The following SLC7A2 variants were observed in gnomAD, a reference collection of about 807,000 sequenced individuals.
SLC7A2 encodes solute carrier family 7 member 2, also known as cationic amino acid transporter 2.
In SLC7A2, 48 loss-of-function variants were observed where a neutral mutation model predicts 58.9. The observed-to-expected ratio is 0.82, with a 90% CI of 0.65 to 1.04. The LOEUF is 1.04. Ranked by LOEUF, SLC7A2 falls within the 50% of genes least tolerant of loss-of-function variation. The pLI is 0.00. For synonymous variants in SLC7A2, 363 were observed against 314.5 expected, an observed-to-expected ratio of 1.15 and a Z score of -1.63; for missense variants, 1,029 against 818.8, an observed-to-expected ratio of 1.26 and a Z score of -3.13.
At position 17,543,620 on chromosome 8, in the gene SLC7A2, C is replaced by G. The variant is rs984048644; in HGVS notation, c.281C>G (p.Pro94Arg). 3 of 1,597,184 alleles carry G rather than the reference C, an allele frequency of 1.9e-6. No homozygotes were observed. Among genetic ancestry groups the G allele is most frequent in the African/African-American group, 2.7e-5 (2 of 74,630 alleles). The stretch of plus-strand genomic sequence containing the variant: ...TATGCCGAATTTGGGGCCCGTGTTC[C>G]CAAGACGGGGTCTGCATATTTGTAC... ...LCYAEFGARV[P>R]KTGSAYLYTY... Residue 94 changes from proline (P) to arginine (R), a missense_variant, in exon 3 of 13, where the codon CCC (proline) becomes CGC (arginine). Pro to Arg is a moderately radical substitution (Grantham distance 103). Transcript: ENST00000494857.
chr8:17,509,497 G>A, intron 2 of SLC7A2, among the ~76,000 whole-genome samples: 1 of 151,866 alleles, frequency 6.6e-6, no homozygotes, highest in Non-Finnish European at 1.5e-5. Flanking sequence ...GTAGAGACAG[G>A]GTTTCATCGT....
At chr8:17,527,808 AGTAAG>A (rs1801279463) in intron 2 of SLC7A2, among the ~76,000 whole-genome samples, 1 of 152,228 alleles carries the variant, frequency 6.6e-6, no homozygotes. Flanking sequence ...CCTGTTTCCC[AGTAAG>A]GTCACCAAAT....
chr8:17,502,968 A>G (rs1363260827), intron 2 of SLC7A2, among the ~76,000 whole-genome samples: 3 of 152,104 alleles, frequency 2.0e-5, no homozygotes, highest in South Asian at 2.1e-4. Flanking sequence ...TGAACTTTCC[A>G]TAAGTCAATT....
intron 2 of SLC7A2, among the ~76,000 whole-genome samples, chr8:17,507,326 A>G (rs1037867697): frequency 6.6e-6 from 1 of 152,142 alleles, no homozygotes; most frequent in African/African-American, 2.4e-5. Flanking sequence ...AATTTATTAT[A>G]TAATTTTAAA....
At chr8:17,499,386 C>G (rs1563426719) in intron 1 of SLC7A2, 2 of 150,044 alleles carry the variant, frequency 1.3e-5, no homozygotes, top group African/African-American at 4.9e-5. Flanking sequence ...CTCTCTCCCT[C>G]TCTCTGTCCC....
rs1803446876 is a variant in SLC7A2 at position 17,570,226 on chromosome 8, A to C, written c.*5080A>C. 6.6e-6 allele frequency: 1 copy of C among 152,204 alleles called. No individual in the cohort carries two copies. Among genetic ancestry groups the C allele is most frequent in the Non-Finnish European group, 1.5e-5 (1 of 68,040 alleles). The allele number at this position is 152,204 out of a possible 1,614,324, so 9.4% of individuals were successfully genotyped here. A position where few individuals can be genotyped will look rare whatever the true frequency, so the allele number is the denominator to read the frequency against. ...GGGTTTCTCTGGCCTACACCTGATT[A>C]ATGGGCCCTTTATCTTTGGTGTCCC... On this transcript the variant is annotated 3_prime_UTR_variant, in exon 13 of 13. Coordinates refer to ENST00000494857, the MANE Select transcript of SLC7A2 (RefSeq NM_001370338.1).
intron 6 of SLC7A2, 50 bp from the exon 7 acceptor site, chr8:17,551,714 C>A: frequency 1.5e-6 from 2 of 1,306,152 alleles, no homozygotes; most frequent in Non-Finnish European, 2.2e-6. Context: ...AATTTCTTTA[C>A]CTGTTGATGT....
intron 2 of SLC7A2, among the ~76,000 whole-genome samples, chr8:17,505,913 A>G (rs765813725): frequency 2.6e-5 from 4 of 152,208 alleles, no homozygotes; most frequent in East Asian, 1.9e-4. Flanking sequence ...TAACTAACCC[A>G]TAGCGTTTCC....
At chr8:17,549,651 T>C (rs1047915359) in intron 5 of SLC7A2, among the ~76,000 whole-genome samples, 1 of 152,232 alleles carries the variant, frequency 6.6e-6, no homozygotes, top group Non-Finnish European at 1.5e-5. Context: ...TTTTGGAGAA[T>C]GTTGTTAGTT....
intron 1 of SLC7A2, among the ~76,000 whole-genome samples, chr8:17,500,799 TACACACACACACACAC>T (rs60002166): frequency 0.28 from 40,521 of 146,078 alleles, 6,529 homozygotes; most frequent in Non-Finnish European, 0.37. Context: ...AACACACACA[TACACACACACACACAC>T]ACACACACAC....
At chr8:17,510,035 C>T (rs1210019361) in intron 2 of SLC7A2, among the ~76,000 whole-genome samples, 1 of 151,956 alleles carries the variant, frequency 6.6e-6, no homozygotes, top group Non-Finnish European at 1.5e-5. Context: ...GCCTGAACAA[C>T]ATGATGAAAC....
chr8:17,564,206 A>G (rs1360699570), intron 12 of SLC7A2, among the ~76,000 whole-genome samples: 1 of 152,172 alleles, frequency 6.6e-6, no homozygotes, highest in Non-Finnish European at 1.5e-5. Context: ...GTACTTTGCA[A>G]AATATCTGAT....
intron 2 of SLC7A2, among the ~76,000 whole-genome samples, chr8:17,537,761 A>T (rs1349396121): frequency 1.3e-5 from 2 of 152,178 alleles, no homozygotes; most frequent in Admixed American, 1.3e-4. Context: ...CTGGAGACCT[A>T]CGGGCATGGG....
chr8:17,551,597 C>T (rs1408685036), intron 6 of SLC7A2, among the ~76,000 whole-genome samples, 167 bp from the exon 7 acceptor site: 1 of 151,576 alleles, frequency 6.6e-6, no homozygotes, highest in Non-Finnish European at 1.5e-5. Flanking sequence ...GACTCTGTCT[C>T]AAAAATAAGT....
At position 17,567,919 on chromosome 8, in the gene SLC7A2, G is replaced by A. The variant is rs1297360709; in HGVS notation, c.*2773G>A. On this transcript the variant is annotated 3_prime_UTR_variant, in exon 13 of 13. Coordinates refer to ENST00000494857, the MANE Select transcript of SLC7A2 (RefSeq NM_001370338.1). ...TACTTGCTGCTGCCACACCTTTTCC[G>A]ACTGATCTGTCCTGGTAGGTGTTTA... 2.0e-5 allele frequency: 3 copies of A among 152,016 alleles called. No homozygotes were observed. Among genetic ancestry groups the A allele is most frequent in the African/African-American group, 7.2e-5 (3 of 41,382 alleles). 9.4% of individuals were successfully genotyped at this position (152,016 alleles called of 1,614,324 possible).
rs1245109962 is a variant in SLC7A2 at position 17,567,901 on chromosome 8, T to A, written c.*2755T>A. 1 of 152,216 alleles carries A rather than the reference T, an allele frequency of 6.6e-6. No homozygotes were observed. Among genetic ancestry groups the A allele is most frequent in the Non-Finnish European group, 1.5e-5 (1 of 68,048 alleles). 9.4% of individuals were successfully genotyped at this position (152,216 alleles called of 1,614,324 possible). A position where few individuals can be genotyped will look rare whatever the true frequency, so the allele number is the denominator to read the frequency against. On this transcript the variant is annotated 3_prime_UTR_variant, in exon 13 of 13. Transcript: ENST00000494857. ...CATTTGGGGATTCCTGTTTACTTGCTGCTGCCACACCTTTTCCGACTGATC... is the reference window on the plus strand; with the variant it reads ...CATTTGGGGATTCCTGTTTACTTGCAGCTGCCACACCTTTTCCGACTGATC...
Position 17,511,551 on chromosome 8 carries a change from A to C in SLC7A2, c.-23+9249A>C, listed in dbSNP as rs574806745. ...CATCCTGTTATTACATTTGTTGTAC[A>C]AATTATTCACAGAATAGATAGAATT... On this transcript the variant is annotated intron_variant, in intron 2 of 12. Transcript: ENST00000494857. 1.8e-3 allele frequency among the ~76,000 whole-genome samples: 278 copies of C among 152,350 alleles called. 1 individual carries two copies. Among genetic ancestry groups the C allele is most frequent in the Non-Finnish European group, 3.3e-3 (222 of 68,036 alleles).
intron 4 of SLC7A2, among the ~76,000 whole-genome samples, chr8:17,545,547 G>A (rs748926329): frequency 7.9e-5 from 12 of 151,404 alleles, no homozygotes; most frequent in African/African-American, 1.9e-4. Context: ...ACAGGTGCGC[G>A]CCACCGCACC....
intron 11 of SLC7A2, 46 bp downstream of exon 11, chr8:17,562,156 C>G (rs1231933339): frequency 3.2e-6 from 3 of 951,234 alleles, no homozygotes; most frequent in Admixed American, 2.5e-5. Flanking sequence ...TATTCATTTT[C>G]TCTGTATAAT....
Sources: gnomAD v4.1 joint callset for allele counts (sites outside exome capture counted in the v4.1 genomes callset) on GRCh38, gnomAD v4.1.1 for gene constraint, MANE v1.5 for transcripts, NCBI Gene and HGNC (gene_info 2026-07-23, HGNC 2026-07-21) for gene names.